GPC5: variants seen among roughly 807,000 people sequenced by gnomAD.
The protein encoded by GPC5 is glypican 5.
Under a neutral mutation model 53.9 loss-of-function variants are expected in GPC5, and 47 were observed. That is an observed-to-expected ratio of 0.87 (90% CI 0.69 to 1.11). The LOEUF is 1.11. Ranked by LOEUF, GPC5 falls within the 50% of genes most tolerant of loss-of-function variation. GPC5 has a pLI of 0.00. For synonymous variants in GPC5, 286 were observed against 263.3 expected, an observed-to-expected ratio of 1.09 and a Z score of -0.84; for missense variants, 748 against 713.1, an observed-to-expected ratio of 1.05 and a Z score of -0.56.
At chr13:91,427,488 T>G (rs1879143145) in intron 1 of GPC5, among the ~76,000 whole-genome samples, 1 of 152,214 alleles carries the variant, frequency 6.6e-6, no homozygotes, top group Non-Finnish European at 1.5e-5. Context: ...GTAACCTCTT[T>G]GTTTTGGCTA....
intron 7 of GPC5, among the ~76,000 whole-genome samples, chr13:92,368,774 A>G (rs1160351617): frequency 6.6e-6 from 1 of 152,144 alleles, no homozygotes; most frequent in Non-Finnish European, 1.5e-5. Flanking sequence ...ACTGCTGTAA[A>G]AGATTGTATT....
chr13:91,463,393 A>AT (rs1882053206), intron 2 of GPC5, among the ~76,000 whole-genome samples: 1 of 152,084 alleles, frequency 6.6e-6, no homozygotes, highest in Admixed American at 6.6e-5. Flanking sequence ...ATATTGGAAA[A>AT]TTTTTAAGGA....
intron 7 of GPC5, among the ~76,000 whole-genome samples, chr13:92,784,226 T>G (rs923380634): frequency 6.6e-6 from 1 of 152,166 alleles, no homozygotes; most frequent in African/African-American, 2.4e-5. Context: ...TGGTTTACAT[T>G]TAGATACAGT....
intron 1 of GPC5, among the ~76,000 whole-genome samples, chr13:91,434,416 A>G (rs1879749351): frequency 6.6e-6 from 1 of 152,128 alleles, no homozygotes; most frequent in Admixed American, 6.6e-5. Context: ...AGCTTTCTAC[A>G]TATGGCTAGC....
chr13:91,596,476 G>A (rs769611997), intron 2 of GPC5, among the ~76,000 whole-genome samples: 11 of 152,130 alleles, frequency 7.2e-5, no homozygotes, highest in Non-Finnish European at 1.5e-4. Flanking sequence ...TGGCTTTGAC[G>A]TATTGGTTTT....
intron 6 of GPC5, among the ~76,000 whole-genome samples, chr13:92,139,379 G>A (rs564044547): frequency 1.3e-5 from 2 of 152,126 alleles, no homozygotes; most frequent in African/African-American, 2.4e-5. Context: ...TTCAAAATAC[G>A]TGTTATGGCT....
intron 5 of GPC5, among the ~76,000 whole-genome samples, chr13:91,853,146 T>TA (rs971699073): frequency 3.3e-5 from 5 of 152,220 alleles, no homozygotes; most frequent in East Asian, 1.9e-4. Flanking sequence ...ATGGAATTTT[T>TA]AAAAAATTAT....
intron 7 of GPC5, among the ~76,000 whole-genome samples, chr13:92,748,555 T>TCA (rs1889300431): frequency 6.6e-6 from 1 of 151,832 alleles, no homozygotes; most frequent in African/African-American, 2.4e-5. Flanking sequence ...ACTCCTGACC[T>TCA]TGTGATCCAC....
intron 2 of GPC5, among the ~76,000 whole-genome samples, chr13:91,676,288 C>G (rs1264399747): frequency 6.6e-6 from 1 of 152,124 alleles, no homozygotes; most frequent in East Asian, 1.9e-4. Context: ...CCAGGCTGGT[C>G]TTGAACTCCT....
chr13:92,490,154 G>C (rs1879708979), intron 7 of GPC5: 1 of 154,306 alleles, frequency 6.5e-6, no homozygotes, highest in Non-Finnish European at 1.5e-5. Flanking sequence ...TGAATTATTA[G>C]GTCAGTGCAA....
intron 5 of GPC5, among the ~76,000 whole-genome samples, chr13:91,810,334 A>G (rs2038290237): frequency 6.6e-6 from 1 of 151,978 alleles, no homozygotes; most frequent in South Asian, 2.1e-4. Flanking sequence ...AGACATTATT[A>G]TATCTCTTAT....
At chr13:91,476,387 T>C (rs1011461904) in intron 2 of GPC5, among the ~76,000 whole-genome samples, 4 of 152,214 alleles carry the variant, frequency 2.6e-5, no homozygotes, top group African/African-American at 9.6e-5. Context: ...CAGTGTTACA[T>C]TGAAGTAAAT....
At chr13:91,478,566 A>G (rs1355135350) in intron 2 of GPC5, among the ~76,000 whole-genome samples, 1 of 151,476 alleles carries the variant, frequency 6.6e-6, no homozygotes, top group Non-Finnish European at 1.5e-5. Context: ...GCTTTTAAAT[A>G]TTGTTACTGT....
At chr13:91,877,017 C>A (rs7335554) in intron 5 of GPC5, among the ~76,000 whole-genome samples, 22,586 of 152,218 alleles carry the variant, frequency 0.15, 1,880 homozygotes, top group African/African-American at 0.23. Context: ...AAGCCCCAAG[C>A]CTTGGCAGCT....
intron 7 of GPC5, among the ~76,000 whole-genome samples, chr13:92,776,063 T>C (rs1452071030): frequency 6.6e-6 from 1 of 152,170 alleles, no homozygotes; most frequent in African/African-American, 2.4e-5. Context: ...AACACAGATG[T>C]ATTATCTGAC....
chr13:91,630,551 G>A (rs937597795), intron 2 of GPC5, among the ~76,000 whole-genome samples: 3 of 152,110 alleles, frequency 2.0e-5, no homozygotes, highest in South Asian at 4.1e-4. Flanking sequence ...GCAATCTGCC[G>A]CTAAAGTAGG....
chr13:91,569,019 G>A (rs970485122), intron 2 of GPC5, among the ~76,000 whole-genome samples: 14 of 152,034 alleles, frequency 9.2e-5, no homozygotes, highest in South Asian at 4.2e-4. Flanking sequence ...TCAAAGTGTC[G>A]GGATCAGAGG....
chr13:91,451,450 G>C (rs1378184433), intron 2 of GPC5, among the ~76,000 whole-genome samples: 2 of 152,066 alleles, frequency 1.3e-5, no homozygotes, highest in Non-Finnish European at 2.9e-5. Flanking sequence ...TTAGATGAAG[G>C]CTGGGAGGTT....
chr13:91,932,497 G>A (rs1458267392), intron 6 of GPC5, among the ~76,000 whole-genome samples: 9 of 151,956 alleles, frequency 5.9e-5, no homozygotes, highest in Non-Finnish European at 1.0e-4. Context: ...TCCAAAGCAG[G>A]CCCTCAAGCT....
Sources: allele counts gnomAD v4.1 joint callset (sites outside exome capture counted in the v4.1 genomes callset), GRCh38; gene constraint gnomAD v4.1.1; transcripts MANE v1.5; gene names NCBI Gene and HGNC (gene_info 2026-07-23, HGNC 2026-07-21).